Variants in ARHGEF10 observed in about 807,000 individuals in gnomAD.
ARHGEF10 encodes Rho guanine nucleotide exchange factor 10.
A neutral mutation model predicts 147.4 loss-of-function variants in ARHGEF10; 140 were observed. The observed-to-expected ratio is 0.95, with a 90% confidence interval of 0.83 to 1.09. The LOEUF is 1.09. ARHGEF10 is among the 50% of genes least tolerant of loss of function. ARHGEF10 has a pLI of 0.00. For synonymous variants in ARHGEF10, 902 were observed against 695.8 expected, an observed-to-expected ratio of 1.30 and a Z score of -4.67; for missense variants, 2,222 against 1,752.7, an observed-to-expected ratio of 1.27 and a Z score of -4.78.
intron 10 of ARHGEF10, 79 bp from the exon 11 acceptor site, chr8:1,885,522 G>C: frequency 9.9e-7 from 1 of 1,008,156 alleles, no homozygotes; most frequent in Non-Finnish European, 1.5e-6. Flanking sequence ...ATATTTATTT[G>C]ACTTTTTTTT....
chr8:1,898,355 G>A (rs1284204781), intron 14 of ARHGEF10, 78 bp from the exon 15 acceptor site: 2 of 1,265,816 alleles, frequency 1.6e-6, no homozygotes, highest in Non-Finnish European at 2.3e-6. Context: ...GTTCAGTGTG[G>A]TGGGGAGGAG....
At chr8:1,829,499 C>G (rs941613647) in intron 1 of ARHGEF10, among the ~76,000 whole-genome samples, 2 of 152,218 alleles carry the variant, frequency 1.3e-5, no homozygotes, top group South Asian at 2.1e-4. Context: ...GCTTTGTTCT[C>G]AAGCACTTGA....
At chr8:1,915,102 G>A (rs11994877) in intron 18 of ARHGEF10, among the ~76,000 whole-genome samples, 12,584 of 152,182 alleles carry the variant, frequency 0.083, 660 homozygotes, top group African/African-American at 0.15. Flanking sequence ...GGCGTGTTCA[G>A]TGCAGATGAA....
intron 26 of ARHGEF10, among the ~76,000 whole-genome samples, chr8:1,936,723 C>G (rs867445359): frequency 6.6e-6 from 1 of 152,212 alleles, no homozygotes; most frequent in African/African-American, 2.4e-5. Context: ...AGGTTAGGAA[C>G]TTTAAGACAT....
At chr8:1,844,662 G>T (rs1178447826) in intron 2 of ARHGEF10, among the ~76,000 whole-genome samples, 1 of 152,158 alleles carries the variant, frequency 6.6e-6, no homozygotes, top group Non-Finnish European at 1.5e-5. Flanking sequence ...CTCTTCTGGG[G>T]GTGACGTCGG....
rs200298282 is a variant in ARHGEF10, at chr8:1,929,459, C to A, written c.3079+16C>A. 1 of 1,598,882 alleles carries A rather than the reference C, an allele frequency of 6.3e-7. No individual in the cohort carries two copies. Among genetic ancestry groups the A allele is most frequent in the African/African-American group, 1.3e-5 (1 of 74,448 alleles). On this transcript the variant is annotated intron_variant, in intron 25 of 28. Transcript: ENST00000349830. ...AGAGCCCCAGGTGAGGCGGGTCTCA[C>A]GGCCTCCTGGCCGGTCCTTGGGGTT...
chr8:1,857,214 T>C (rs1805616239), intron 2 of ARHGEF10, among the ~76,000 whole-genome samples: 2 of 152,280 alleles, frequency 1.3e-5, no homozygotes, highest in African/African-American at 4.8e-5. Context: ...TTAATTAAAA[T>C]TGTAAATAAG....
chr8:1,873,342 A>G (rs1230337059), intron 7 of ARHGEF10, among the ~76,000 whole-genome samples: 1 of 152,226 alleles, frequency 6.6e-6, no homozygotes, highest in Non-Finnish European at 1.5e-5. Flanking sequence ...ATATGTGTGT[A>G]TGTTTATAAG....
intron 1 of ARHGEF10, chr8:1,826,097 CTCTTTAT>C (rs1563140374): frequency 6.3e-7 from 1 of 1,593,910 alleles, no homozygotes; most frequent in East Asian, 2.2e-5. Context: ...GGATGCATAA[CTCTTTAT>C]AGACAGATGA....
rs188590019 is a variant in ARHGEF10 at position 1,889,679 on chromosome 8, G to A, written c.1183-3890G>A. Among the ~76,000 whole-genome samples, 22 of 99,270 alleles carry A rather than the reference G, an allele frequency of 2.2e-4. 4 individuals are homozygous for A. The highest frequency in any genetic ancestry group is 1.6e-3 in the South Asian group (3 of 1,928). The allele number at this position is 99,270 out of a possible 152,430, so 65.1% of individuals were successfully genotyped here. A position where few individuals can be genotyped will look rare whatever the true frequency, so the allele number is the denominator to read the frequency against. ...GAAAACTCGGAGTGGGGTGAGGGTC[G>A]TGAGGAAACAGTGGGGTGAAGGTTT... On this transcript the variant is annotated intron_variant, in intron 11 of 28. Coordinates refer to ENST00000349830, the MANE Select transcript of ARHGEF10 (RefSeq NM_014629.4).
chr8:1,860,928 A>G (rs1806077372), intron 4 of ARHGEF10, among the ~76,000 whole-genome samples: 1 of 151,810 alleles, frequency 6.6e-6, no homozygotes, highest in Non-Finnish European at 1.5e-5. Context: ...CCTGTTTCCC[A>G]CTCATGCTTT....
At chr8:1,887,040 C>G (rs1427104097) in intron 11 of ARHGEF10, among the ~76,000 whole-genome samples, 1 of 152,158 alleles carries the variant, frequency 6.6e-6, no homozygotes, top group Non-Finnish European at 1.5e-5. Flanking sequence ...TGGCTGAACA[C>G]CTTCTTGCCA....
At chr8:1,839,312 C>A (rs921237100) in intron 1 of ARHGEF10, among the ~76,000 whole-genome samples, 2 of 144,232 alleles carry the variant, frequency 1.4e-5, no homozygotes, top group African/African-American at 5.3e-5. Context: ...GGTGTGGGGA[C>A]TGTCTGGTGT....
At chr8:1,908,135 G>A (rs547906734) in intron 17 of ARHGEF10, among the ~76,000 whole-genome samples, 1 of 152,022 alleles carries the variant, frequency 6.6e-6, no homozygotes, top group South Asian at 2.1e-4. Context: ...AGAAGGAACT[G>A]GAGAGCTTGG....
intron 7 of ARHGEF10, among the ~76,000 whole-genome samples, chr8:1,872,037 GAC>G (rs1455550437): frequency 5.9e-5 from 9 of 151,994 alleles, no homozygotes; most frequent in Non-Finnish European, 2.9e-5. Flanking sequence ...ATATTAAGAT[GAC>G]ACAGAGAAAG....
rs936014090 is a variant in ARHGEF10, at chr8:1,906,474, G to C, written c.1967+758G>C. On this transcript the variant is annotated intron_variant, in intron 17 of 28. Transcript: ENST00000349830. ...TTAGGAGCCTGTCCTCCCAGTGAGA[G>C]CCAGCTGTTAAACGTTTGCCAGCAC... Among the ~76,000 whole-genome samples, 4 of 152,156 alleles carry C rather than the reference G, an allele frequency of 2.6e-5. No individual in the cohort carries two copies. The East Asian group carries it at 5.8e-4, about 22-fold the overall frequency.
chr8:1,851,153 G>T (rs967464957), intron 2 of ARHGEF10, among the ~76,000 whole-genome samples: 1 of 151,492 alleles, frequency 6.6e-6, no homozygotes, highest in African/African-American at 2.4e-5. Context: ...CACCAGGAGC[G>T]AGGCCTCACG....
intron 8 of ARHGEF10, among the ~76,000 whole-genome samples, chr8:1,878,927 A>G (rs1335080256): frequency 6.6e-6 from 1 of 152,108 alleles, no homozygotes. Context: ...CTACACGTCC[A>G]TGTTGCCAGG....
chr8:1,931,259 C>G (rs1242389594), intron 25 of ARHGEF10, among the ~76,000 whole-genome samples: 2 of 152,222 alleles, frequency 1.3e-5, no homozygotes, highest in African/African-American at 2.4e-5. Context: ...GTTGATAGGA[C>G]TTTTTCATAT....
Sources: allele counts gnomAD v4.1 joint callset (sites outside exome capture counted in the v4.1 genomes callset), GRCh38; gene constraint gnomAD v4.1.1; transcripts MANE v1.5; gene names NCBI Gene and HGNC (gene_info 2026-07-23, HGNC 2026-07-21).